Variants in NDUFA13 observed in about 807,000 individuals in gnomAD.
NDUFA13 encodes the protein NADH:ubiquinone oxidoreductase subunit A13.
NDUFA13 carries 16 observed loss-of-function variants against 17.0 expected under a neutral mutation model. The ratio of observed to expected loss-of-function variants is 0.94; its 90% CI spans 0.64 to 1.43. The LOEUF (loss-of-function observed/expected upper bound fraction) is 1.43. Among genes scored for constraint, NDUFA13 ranks in the 40% most tolerant of loss-of-function variants. The pLI is 0.00. For missense variants in NDUFA13, 228 were observed against 206.7 expected, an observed-to-expected ratio of 1.10 and a Z score of -0.63; for synonymous variants, 87 against 78.4, an observed-to-expected ratio of 1.11 and a Z score of -0.58.
At chr19:19,521,125 T>C (rs377051306) in intron 1 of NDUFA13, among the ~76,000 whole-genome samples, 3 of 152,352 alleles carry the variant, frequency 2.0e-5, no homozygotes, top group East Asian at 1.9e-4. Context: ...TTTTCCAAAT[T>C]GGCTGCACCA....
At chr19:19,516,464 C>A (rs1434979005) in intron 1 of NDUFA13, 132 bp downstream of exon 1, 2 of 943,208 alleles carry the variant, frequency 2.1e-6, no homozygotes, top group African/African-American at 3.3e-5. Context: ...TCCATCATAG[C>A]TTCTGTAATA....
At chr19:19,527,032 A>G (rs992124883) in intron 2 of NDUFA13, among the ~76,000 whole-genome samples, 4 of 152,240 alleles carry the variant, frequency 2.6e-5, no homozygotes, top group African/African-American at 9.6e-5. Context: ...AATTGAAAAG[A>G]AAGTAGAAAG....
At chr19:19,523,254 C>A (rs2061086287) in intron 1 of NDUFA13, among the ~76,000 whole-genome samples, 1 of 152,162 alleles carries the variant, frequency 6.6e-6, no homozygotes, top group East Asian at 1.9e-4. Flanking sequence ...TGCTCCAATT[C>A]TTGAACACAG....
At chr19:19,526,623 G>T (rs1164955095) in intron 2 of NDUFA13, 4 of 361,786 alleles carry the variant, frequency 1.1e-5, no homozygotes, top group South Asian at 2.3e-5. Flanking sequence ...GGATATGAGT[G>T]GGGGGCCTGC....
chr19:19,528,055 G>C lies in NDUFA13; in HGVS notation c.364G>C (p.Gly122Arg), dbSNP rs762597769. 1 of 1,612,304 alleles carries C rather than the reference G, an allele frequency of 6.2e-7. No individual in the cohort carries two copies. Among genetic ancestry groups the C allele is most frequent in the Non-Finnish European group, 8.5e-7 (1 of 1,179,902 alleles). Residue 122 changes from glycine (G) to arginine (R), a missense_variant, in exon 5 of 5, where the codon GGG becomes CGG. Gly to Arg is a moderately radical substitution (Grantham distance 125). Coordinates refer to ENST00000507754, the MANE Select transcript of NDUFA13 (RefSeq NM_015965.7). ...AACCCGCTGGGTGCCCCCCTTGATC[G>C]GGGAGCTGTACGGGCTGCGCACCAC... is the stretch of plus-strand genomic sequence containing the variant. The part of the protein sequence containing the change: ...HTTRWVPPLI[G>R]ELYGLRTTEE...
At chr19:19,524,563 T>A (rs1244523158) in intron 1 of NDUFA13, among the ~76,000 whole-genome samples, 2 of 152,152 alleles carry the variant, frequency 1.3e-5, no homozygotes, top group Non-Finnish European at 2.9e-5. Flanking sequence ...CTCACGCCTG[T>A]AATGCCAGCA....
In NDUFA13 at chr19:19,516,312, T is replaced by G. The variant is rs143629324; in HGVS notation, c.74T>G (p.Leu25Trp). 834 of 1,613,342 alleles carry G rather than the reference T, an allele frequency of 5.2e-4. 7 individuals are homozygous for G. Among genetic ancestry groups the G allele is most frequent in the Admixed American group, 4.8e-4 (29 of 59,980 alleles). ...GGGCCCATCGACTACAAACGGAACT[T>G]GCCGCGTCGAGGACTGTCGGGTCAG... ...GYGPIDYKRN[L>W]PRRGLSGYSM... is the part of the protein sequence containing the mutation. The change falls in exon 1 of 5, where the codon TTG becomes TGG. Residue 25 changes from leucine (L) to tryptophan (W), a missense_variant. Transcript: ENST00000507754.
chr19:19,526,059 C>A lies in NDUFA13; in HGVS notation c.95-123C>A, dbSNP rs1451030270. 4 of 1,534,670 alleles carry A rather than the reference C, an allele frequency of 2.6e-6. No homozygotes were observed. In the African/African-American group the frequency reaches 4.1e-5, roughly 16 times the overall value. ...GGCATGGGGGCAGAGGTGTCACAGT[C>A]CAAGCAGCCTCACTCCTGAGAAGCC... On this transcript the variant is annotated intron_variant, in intron 1 of 4. Transcript: ENST00000507754.
chr19:19,517,952 T>C (rs1358109833), intron 1 of NDUFA13, among the ~76,000 whole-genome samples: 2 of 152,126 alleles, frequency 1.3e-5, no homozygotes, highest in Non-Finnish European at 1.5e-5. Context: ...CATTTACAAA[T>C]GGAAAGTGTT....
chr19:19,526,353 T>C, intron 2 of NDUFA13, 93 bp downstream of exon 2: 1 of 1,390,656 alleles, frequency 7.2e-7, no homozygotes, highest in Non-Finnish European at 1.0e-6. Flanking sequence ...TGGCGAGGGG[T>C]GAACGGGCCC....
At chr19:19,526,727 C>T in intron 2 of NDUFA13, 1 of 295,102 alleles carries the variant, frequency 3.4e-6, no homozygotes, top group African/African-American at 2.2e-5. Context: ...GAACTAGGGC[C>T]AGGCGCCCCC....
chr19:19,518,686 C>T (rs1322380897), intron 1 of NDUFA13, among the ~76,000 whole-genome samples: 2 of 148,582 alleles, frequency 1.3e-5, no homozygotes, highest in East Asian at 1.9e-4. Flanking sequence ...CCCTCGGCCT[C>T]CCTAGTATCT....
intron 1 of NDUFA13, among the ~76,000 whole-genome samples, chr19:19,520,772 C>T (rs1348980454): frequency 6.6e-6 from 1 of 152,224 alleles, no homozygotes; most frequent in Non-Finnish European, 1.5e-5. Context: ...TATTAGCAAT[C>T]ATCCCACCCC....
At chr19:19,527,170 GC>G in intron 2 of NDUFA13, 110 bp from the exon 3 acceptor site, 3 of 265,688 alleles carry the variant, frequency 1.1e-5, no homozygotes, top group Admixed American at 1.1e-4. Context: ...CTGCCTCCCC[GC>G]CCCCCTCCGC....
Position 19,516,426 on chromosome 19 carries a change from C to T in NDUFA13, c.94+94C>T, listed in dbSNP as rs1305611385. 3 of 1,361,312 alleles carry T rather than the reference C, an allele frequency of 2.2e-6. No homozygotes were observed. The African/African-American group carries it at 4.3e-5, about 19-fold the overall frequency. The allele number at this position is 1,361,312 out of a possible 1,614,324, so 84.3% of individuals were successfully genotyped here. A position where few individuals can be genotyped will look rare whatever the true frequency, so the allele number is the denominator to read the frequency against. The stretch of plus-strand genomic sequence containing the variant: ...CACAGGCGGGCCTCAGTTTTCCCGG[C>T]GGTGTGACCGGAGGCGGAGCCCGGG... On this transcript the variant is annotated intron_variant, in intron 1 of 4. Transcript: ENST00000507754.
chr19:19,524,126 CAAAA>C (rs995446351), intron 1 of NDUFA13, among the ~76,000 whole-genome samples: 1 of 152,096 alleles, frequency 6.6e-6, no homozygotes, highest in Non-Finnish European at 1.5e-5. Flanking sequence ...AAACCAAAAA[CAAAA>C]AGAATGGTCC....
chr19:19,526,213 C>A lies in NDUFA13; in HGVS notation c.126C>A (p.Thr42=), dbSNP rs1302432451. 1 of 1,614,166 alleles carries A rather than the reference C, an allele frequency of 6.2e-7. No individual in the cohort carries two copies. ...GYSMLAIGIG[T]LIYGHWSIMK... Reference sequence around the variant, plus strand: ...GCATGCTGGCCATAGGGATTGGAACCCTGATCTACGGGCACTGGAGCATAA... The same window carrying A: ...GCATGCTGGCCATAGGGATTGGAACACTGATCTACGGGCACTGGAGCATAA... The change falls in exon 2 of 5, where the codon ACC becomes ACA. Residue 42 remains threonine, a synonymous_variant. Coordinates refer to ENST00000507754, the MANE Select transcript of NDUFA13 (RefSeq NM_015965.7).
At chr19:19,520,033 G>T (rs576001708) in intron 1 of NDUFA13, among the ~76,000 whole-genome samples, 2 of 143,944 alleles carry the variant, frequency 1.4e-5, no homozygotes, top group African/African-American at 5.2e-5. Flanking sequence ...GGAGTGCAGT[G>T]GCGCGATCTC....
intron 1 of NDUFA13, among the ~76,000 whole-genome samples, chr19:19,521,368 T>C (rs1175758808): frequency 1.3e-5 from 2 of 152,278 alleles, no homozygotes; most frequent in South Asian, 2.1e-4. Context: ...TTTTTTCATG[T>C]GTTTTATTAT....
Sources: allele counts gnomAD v4.1 joint callset (sites outside exome capture counted in the v4.1 genomes callset), GRCh38; gene constraint gnomAD v4.1.1; transcripts MANE v1.5; gene names NCBI Gene and HGNC (gene_info 2026-07-23, HGNC 2026-07-21).